Variants in KCNIP4 observed in about 807,000 individuals in gnomAD.
KCNIP4 encodes the protein Kv channel-interacting protein 4.
A neutral mutation model predicts 34.0 loss-of-function variants in KCNIP4; 12 were observed. The ratio of observed to expected loss-of-function variants is 0.35; its 90% CI spans 0.23 to 0.57. The LOEUF (loss-of-function observed/expected upper bound fraction) is 0.57, where lower values mean the gene tolerates loss of function less well. Among genes scored for constraint, KCNIP4 ranks in the 20% least tolerant of loss-of-function variants. KCNIP4 has a pLI of 0.83. For synonymous variants in KCNIP4, 124 were observed against 102.2 expected (o/e 1.21, Z -1.29); for missense variants, 238 against 311.7 (o/e 0.76, Z 1.78).
At chr4:21,358,326 A>T (rs909481474) in intron 1 of KCNIP4, among the ~76,000 whole-genome samples, 1 of 152,044 alleles carries the variant, frequency 6.6e-6, no homozygotes, top group African/African-American at 2.4e-5. Flanking sequence ...AATAATAATA[A>T]AAAAAATCCT....
At chr4:21,902,618 G>A (rs1194437337) in intron 1 of KCNIP4, among the ~76,000 whole-genome samples, 1 of 152,050 alleles carries the variant, frequency 6.6e-6, no homozygotes, top group Admixed American at 6.6e-5. Context: ...GAGAGGCTAT[G>A]ACACAGGACT....
At position 21,798,912 on chromosome 4, in the gene KCNIP4, C is replaced by A. The variant is rs543622426; in HGVS notation, c.61+149659G>T. 3.9e-5 allele frequency among the ~76,000 whole-genome samples: 6 copies of A among 151,968 alleles called. 1 individual carries two copies. Among genetic ancestry groups the A allele is most frequent in the African/African-American group, 9.6e-5 (4 of 41,470 alleles). On this transcript the variant is annotated intron_variant, in intron 1 of 8. Coordinates refer to ENST00000382152, the MANE Select transcript of KCNIP4 (RefSeq NM_025221.6). Reference sequence around the variant, plus strand: ...ATTTGGTGTATCAATACTTTTCACCCATATATAATAAAATTCATTTCCAAT... The same window carrying A: ...ATTTGGTGTATCAATACTTTTCACCAATATATAATAAAATTCATTTCCAAT...
chr4:21,691,968 G>A (rs1161750645), intron 1 of KCNIP4, among the ~76,000 whole-genome samples: 1 of 152,010 alleles, frequency 6.6e-6, no homozygotes, highest in Admixed American at 6.6e-5. Context: ...AAAGTGCCGG[G>A]ATTACAGGCG....
chr4:21,256,009 C>T (rs1470178683), intron 1 of KCNIP4, among the ~76,000 whole-genome samples: 2 of 151,652 alleles, frequency 1.3e-5, no homozygotes, highest in Non-Finnish European at 2.9e-5. Context: ...ACAAGAACCA[C>T]ATAGCAGGCT....
chr4:20,821,438 C>A (rs1219395205), intron 3 of KCNIP4, among the ~76,000 whole-genome samples: 1 of 152,134 alleles, frequency 6.6e-6, no homozygotes, highest in African/African-American at 2.4e-5. Context: ...TGAGTCTCAT[C>A]CATATCCGAG....
chr4:21,102,788 T>C (rs1748063419), intron 1 of KCNIP4, among the ~76,000 whole-genome samples: 2 of 152,146 alleles, frequency 1.3e-5, no homozygotes, highest in African/African-American at 4.8e-5. Context: ...ATAAAGAACA[T>C]TTGCTGTTCC....
At chr4:21,121,234 C>T (rs542662429) in intron 1 of KCNIP4, among the ~76,000 whole-genome samples, 18 of 152,282 alleles carry the variant, frequency 1.2e-4, no homozygotes, top group Admixed American at 6.5e-4. Context: ...CACTGCTGTC[C>T]GGCCCCCTTA....
chr4:20,802,825 G>A (rs113443386), intron 3 of KCNIP4, among the ~76,000 whole-genome samples: 5 of 151,942 alleles, frequency 3.3e-5, no homozygotes, highest in African/African-American at 1.2e-4. Flanking sequence ...CCTGTAATCC[G>A]GCAGTTTGGG....
intron 1 of KCNIP4, among the ~76,000 whole-genome samples, chr4:20,923,448 G>A (rs1729598410): frequency 1.3e-5 from 2 of 152,026 alleles, no homozygotes; most frequent in Non-Finnish European, 2.9e-5. Context: ...CTTCTGCATG[G>A]AACTGTATCT....
At chr4:21,166,844 C>A (rs1451355531) in intron 1 of KCNIP4, among the ~76,000 whole-genome samples, 1 of 140,802 alleles carries the variant, frequency 7.1e-6, no homozygotes, top group Non-Finnish European at 1.5e-5. Flanking sequence ...GAGGCTGAGG[C>A]AAGAGAATCG....
At chr4:20,753,965 A>G (rs1008853606) in intron 4 of KCNIP4, among the ~76,000 whole-genome samples, 8 of 152,186 alleles carry the variant, frequency 5.3e-5, no homozygotes, top group Non-Finnish European at 1.0e-4. Flanking sequence ...TGCCTAGTGT[A>G]GACAACATAA....
chr4:20,855,836 G>C (rs1006280154), intron 2 of KCNIP4, among the ~76,000 whole-genome samples: 4 of 152,098 alleles, frequency 2.6e-5, no homozygotes, highest in Non-Finnish European at 5.9e-5. Context: ...AAAAATAATA[G>C]AAAAGGACAT....
intron 1 of KCNIP4, among the ~76,000 whole-genome samples, chr4:21,135,563 A>C (rs4697207): frequency 0.53 from 80,291 of 152,040 alleles, 21,795 homozygotes; most frequent in African/African-American, 0.64. Flanking sequence ...AGGATTATTA[A>C]CTTGATATAC....
At chr4:20,921,262 A>T (rs1163949866) in intron 1 of KCNIP4, among the ~76,000 whole-genome samples, 2 of 152,152 alleles carry the variant, frequency 1.3e-5, no homozygotes, top group African/African-American at 2.4e-5. Flanking sequence ...TATAGGGCTG[A>T]TGAGGATGCA....
chr4:21,720,530 CTTT>C (rs71191598), intron 1 of KCNIP4, among the ~76,000 whole-genome samples: 36,697 of 140,262 alleles, frequency 0.26, 6,138 homozygotes, highest in East Asian at 0.67. Flanking sequence ...TGTTTTTTTT[CTTT>C]TTTTTTTTTT....
intron 1 of KCNIP4, among the ~76,000 whole-genome samples, chr4:21,435,308 A>G (rs1394250962): frequency 2.0e-5 from 3 of 152,246 alleles, no homozygotes; most frequent in South Asian, 4.1e-4. Flanking sequence ...ACTATGGGTT[A>G]CATTTCACAT....
At chr4:21,060,806 C>A (rs970270075) in intron 1 of KCNIP4, among the ~76,000 whole-genome samples, 1 of 152,160 alleles carries the variant, frequency 6.6e-6, no homozygotes, top group Admixed American at 6.6e-5. Context: ...AAACTTCTCA[C>A]GAATCAGAAA....
intron 1 of KCNIP4, among the ~76,000 whole-genome samples, chr4:21,726,525 T>A (rs1046610370): frequency 5.3e-5 from 8 of 152,154 alleles, no homozygotes. Context: ...AACCTAGGAA[T>A]GTGTTCAAAT....
intron 1 of KCNIP4, among the ~76,000 whole-genome samples, chr4:21,202,563 C>T (rs1756567302): frequency 6.6e-6 from 1 of 152,178 alleles, no homozygotes; most frequent in African/African-American, 2.4e-5. Context: ...ACTTGCACAT[C>T]TACCCCCAGA....
Sources: gnomAD v4.1 joint callset for allele counts (sites outside exome capture counted in the v4.1 genomes callset) on GRCh38, gnomAD v4.1.1 for gene constraint, MANE v1.5 for transcripts, NCBI Gene and HGNC (gene_info 2026-07-23, HGNC 2026-07-21) for gene names.